LAMTOR4: variants seen among roughly 807,000 people sequenced by gnomAD.
LAMTOR4 encodes the protein late endosomal/lysosomal adaptor, MAPK and MTOR activator 4.
LAMTOR4 carries 11 observed loss-of-function variants against 13.5 expected under a neutral mutation model. The ratio of observed to expected loss-of-function variants is 0.82; its 90% confidence interval spans 0.51 to 1.35. LAMTOR4 has a LOEUF of 1.35. LAMTOR4 is among the 40% of genes most tolerant of loss of function. The pLI is 0.00. For missense variants in LAMTOR4, 128 were observed against 126.2 expected, an observed-to-expected ratio of 1.01 and a Z score of -0.07; for synonymous variants, 69 against 52.3, an observed-to-expected ratio of 1.32 and a Z score of -1.38.
Position 100,153,928 on chromosome 7 carries a change from G to A in LAMTOR4, c.264G>A (p.Lys88=). 3.1e-6 allele frequency: 5 copies of A among 1,595,844 alleles called. No individual in the cohort carries two copies. The highest frequency in any genetic ancestry group is 4.3e-6 in the Non-Finnish European group (5 of 1,171,902). Residue 88 remains lysine (K), a synonymous_variant, in exon 4 of 4, where the codon AAG becomes AAA. Coordinates refer to ENST00000341942, the MANE Select transcript of LAMTOR4 (RefSeq NM_001008395.4). ...TVSGQRVFVV[K]RQNRGREPID... ...CAGGACAGAGGGTGTTTGTGGTGAA[G>A]AGGCAGAACCGAGGTCGGGAGCCCA...
At chr7:100,149,240 G>T (rs892506884) in intron 1 of LAMTOR4, 23 of 604,894 alleles carry the variant, frequency 3.8e-5, no homozygotes, top group African/African-American at 3.5e-4. Flanking sequence ...GGCCAGTGGG[G>T]CAGCAAAGGC....
intron 2 of LAMTOR4, among the ~76,000 whole-genome samples, chr7:100,150,753 A>G (rs1437610733): frequency 6.6e-6 from 1 of 151,930 alleles, no homozygotes; most frequent in Non-Finnish European, 1.5e-5. Context: ...TGGGAGGCCA[A>G]GGCGGGCGGA....
chr7:100,154,121 A>G lies in LAMTOR4; in HGVS notation c.*157A>G. 2 of 636,870 alleles carry G rather than the reference A, an allele frequency of 3.1e-6. No individual in the cohort carries two copies. Among genetic ancestry groups the G allele is most frequent in the Non-Finnish European group, 5.7e-6 (2 of 351,380 alleles). The allele number at this position is 636,870 out of a possible 1,614,324, so 39.5% of individuals were successfully genotyped here. A position where few individuals can be genotyped will look rare whatever the true frequency, so the allele number is the denominator to read the frequency against. On this transcript the variant is annotated 3_prime_UTR_variant, in exon 4 of 4. Coordinates refer to ENST00000341942, the MANE Select transcript of LAMTOR4 (RefSeq NM_001008395.4). The stretch of plus-strand genomic sequence containing the variant: ...GACGGGCCCAGGCTTGGGGACTCTG[A>G]GCTGTGTTAAGGAGAACAAGGGCAA...
chr7:100,151,553 T>A (rs1798703415), intron 2 of LAMTOR4, among the ~76,000 whole-genome samples: 1 of 151,528 alleles, frequency 6.6e-6, no homozygotes, highest in Admixed American at 6.6e-5. Flanking sequence ...CATGCCCGGC[T>A]ACTTTTTTGT....
In LAMTOR4 at chr7:100,149,083, T is replaced by G. The variant is rs572391083; in HGVS notation, c.3+108T>G. 3.5e-5 allele frequency: 48 copies of G among 1,379,140 alleles called. No individual in the cohort carries two copies. In the East Asian group the frequency reaches 1.1e-3, roughly 31 times the overall value. The allele number at this position is 1,379,140 out of a possible 1,614,324, so 85.4% of individuals were successfully genotyped here. A position where few individuals can be genotyped will look rare whatever the true frequency, so the allele number is the denominator to read the frequency against. Reference sequence around the variant, plus strand: ...GCCTGCGCTCCACCCTCACCTCCTATCCGCTCGGGGAGGAAGAGGGGATGG... The same window carrying G: ...GCCTGCGCTCCACCCTCACCTCCTAGCCGCTCGGGGAGGAAGAGGGGATGG... On this transcript the variant is annotated intron_variant, in intron 1 of 3. Coordinates refer to ENST00000341942, the MANE Select transcript of LAMTOR4 (RefSeq NM_001008395.4).
chr7:100,151,880 A>G (rs1042478530), intron 2 of LAMTOR4, among the ~76,000 whole-genome samples: 2 of 140,562 alleles, frequency 1.4e-5, no homozygotes, highest in East Asian at 2.1e-4. Flanking sequence ...AAAAAAAAAA[A>G]TGTGTGGAGA....
At position 100,153,536 on chromosome 7, in the gene LAMTOR4, C is replaced by A. The variant is rs1183609274; in HGVS notation, c.202+19C>A. ...CTGTCTGGTGAGCCCCTGCCCCTGC[C>A]CTTGGTGGTGGTACTGGGAGCGGGG... is the stretch of plus-strand genomic sequence containing the variant. On this transcript the variant is annotated intron_variant, in intron 3 of 3. Coordinates refer to ENST00000341942, the MANE Select transcript of LAMTOR4 (RefSeq NM_001008395.4). The A allele has an allele frequency of 4.4e-6, 7 of 1,594,278 alleles. No individual in the cohort carries two copies. The Admixed American group carries it at 1.0e-4, about 23-fold the overall frequency.
At chr7:100,149,764 C>T in intron 2 of LAMTOR4, 185 bp downstream of exon 2, 1 of 503,570 alleles carries the variant, frequency 2.0e-6, no homozygotes, top group South Asian at 2.9e-5. Context: ...AGTCTCCTAA[C>T]GGCTGCGATT....
chr7:100,153,811 T>G (rs551428204), intron 3 of LAMTOR4, 56 bp from the exon 4 acceptor site: 5 of 1,287,398 alleles, frequency 3.9e-6, no homozygotes, highest in Non-Finnish European at 5.5e-6. Flanking sequence ...TTGCACCCAC[T>G]AACTCTGTGC....
At chr7:100,151,709 T>TG in intron 2 of LAMTOR4, among the ~76,000 whole-genome samples, 1 of 151,792 alleles carries the variant, frequency 6.6e-6, no homozygotes, top group Non-Finnish European at 1.5e-5. Context: ...TTTGTTTGTT[T>TG]TTTTTTAAGA....
At chr7:100,153,593 C>G (rs1798786518) in intron 3 of LAMTOR4, 76 bp downstream of exon 3, 2 of 1,276,160 alleles carry the variant, frequency 1.6e-6, no homozygotes, top group South Asian at 2.4e-5. Flanking sequence ...GGCTTCTCTT[C>G]TTCCAGCCTC....
intron 2 of LAMTOR4, among the ~76,000 whole-genome samples, 155 bp from the exon 3 acceptor site, chr7:100,153,245 G>A (rs935224398): frequency 6.6e-6 from 1 of 152,116 alleles, no homozygotes; most frequent in African/African-American, 2.4e-5. Flanking sequence ...AACATTATAG[G>A]GGGAGATTTC....
chr7:100,151,631 G>A (rs771215436), intron 2 of LAMTOR4, among the ~76,000 whole-genome samples: 1 of 151,666 alleles, frequency 6.6e-6, no homozygotes, highest in Admixed American at 6.6e-5. Flanking sequence ...CTCGTGATCC[G>A]CCTACCTCGG....
chr7:100,152,315 T>G (rs775746382), intron 2 of LAMTOR4, among the ~76,000 whole-genome samples: 2 of 152,010 alleles, frequency 1.3e-5, no homozygotes, highest in Non-Finnish European at 2.9e-5. Context: ...GGCAGGAGAA[T>G]TGCTTGAACC....
chr7:100,150,456 G>C (rs1357479548), intron 2 of LAMTOR4, among the ~76,000 whole-genome samples: 1 of 152,202 alleles, frequency 6.6e-6, no homozygotes, highest in Non-Finnish European at 1.5e-5. Flanking sequence ...TAACCTATCT[G>C]AACTGATGGT....
chr7:100,149,282 G>T, intron 1 of LAMTOR4: 1 of 610,646 alleles, frequency 1.6e-6, no homozygotes, highest in Non-Finnish European at 2.9e-6. Flanking sequence ...GATGTGGAAG[G>T]CCAGGGGAGC....
chr7:100,153,091 C>T (rs1465095659), intron 2 of LAMTOR4, among the ~76,000 whole-genome samples: 1 of 151,468 alleles, frequency 6.6e-6, no homozygotes, highest in African/African-American at 2.4e-5. Flanking sequence ...ACCCGAGAGG[C>T]CGAGATTGCA....
chr7:100,154,059 T>A lies in LAMTOR4; in HGVS notation c.*95T>A. On this transcript the variant is annotated 3_prime_UTR_variant, in exon 4 of 4. Coordinates refer to ENST00000341942, the MANE Select transcript of LAMTOR4 (RefSeq NM_001008395.4). The stretch of plus-strand genomic sequence containing the variant: ...GTCGGTCTTGGCTTGCTGCTAGAAC[T>A]AGGGCCTTCTGCTCGCCCACCTCCC... 1 of 934,658 alleles carries A rather than the reference T, an allele frequency of 1.1e-6. No individual in the cohort carries two copies. Among genetic ancestry groups the A allele is most frequent in the Non-Finnish European group, 1.7e-6 (1 of 591,166 alleles). 57.9% of individuals were successfully genotyped at this position (934,658 alleles called of 1,614,324 possible).
rs1479018008 is a variant in LAMTOR4, at chr7:100,149,603, G to T, written c.84+24G>T. 5 of 1,568,270 alleles carry T rather than the reference G, an allele frequency of 3.2e-6. No homozygotes were observed. In the African/African-American group the frequency reaches 6.8e-5, roughly 21 times the overall value. On this transcript the variant is annotated intron_variant, in intron 2 of 3. Coordinates refer to ENST00000341942, the MANE Select transcript of LAMTOR4 (RefSeq NM_001008395.4). ...CGGTGCGTTCTGGGAAAGGGAGGGG[G>T]TCCCTTAGTGCACACAGCCCGGTAA...
Sources: gnomAD v4.1 joint callset for allele counts (sites outside exome capture counted in the v4.1 genomes callset) on GRCh38, gnomAD v4.1.1 for gene constraint, MANE v1.5 for transcripts, NCBI Gene and HGNC (gene_info 2026-07-23, HGNC 2026-07-21) for gene names.